The following PUS10 variants were observed in gnomAD, a reference collection of about 807,000 sequenced individuals.
PUS10 encodes the protein tRNA pseudouridine synthase Pus10.
A neutral mutation model predicts 75.0 loss-of-function variants in PUS10; 59 were observed. The ratio of observed to expected loss-of-function variants is 0.79; its 90% CI spans 0.64 to 0.98. The LOEUF is 0.98. Among genes scored for constraint, PUS10 ranks in the 50% least tolerant of loss-of-function variants. The pLI, the probability that PUS10 is intolerant of heterozygous loss-of-function variation, is 0.00. For synonymous variants in PUS10, 219 were observed against 211.6 expected (o/e 1.03, Z -0.30); for missense variants, 650 against 614.4 (o/e 1.06, Z -0.61).
chr2:60,971,476 A>G, intron 5 of PUS10, 47 bp downstream of exon 5: 1 of 1,516,400 alleles, frequency 6.6e-7, no homozygotes, highest in Non-Finnish European at 9.2e-7. Flanking sequence ...AGAACCAGGT[A>G]GCTTGTATTT....
At chr2:61,011,445 C>T (rs1027831303) in intron 2 of PUS10, among the ~76,000 whole-genome samples, 1 of 152,160 alleles carries the variant, frequency 6.6e-6, no homozygotes, top group Admixed American at 6.5e-5. Context: ...ATTAGCCCCT[C>T]CTGGGAGGAA....
At chr2:60,946,740 G>T (rs140718048) in intron 16 of PUS10, among the ~76,000 whole-genome samples, 1 of 152,190 alleles carries the variant, frequency 6.6e-6, no homozygotes, top group African/African-American at 2.4e-5. Context: ...ATGCAGGCTG[G>T]TGGGGAAGGA....
intron 4 of PUS10, 110 bp from the exon 5 acceptor site, chr2:60,971,667 C>T: frequency 1.0e-6 from 1 of 970,730 alleles, no homozygotes; most frequent in Non-Finnish European, 1.6e-6. Context: ...ATCAAACTCC[C>T]CTTTTTAGGT....
chr2:60,943,056 A>AAGG (rs70959878), intron 17 of PUS10, among the ~76,000 whole-genome samples: 1 of 151,272 alleles, frequency 6.6e-6, no homozygotes, highest in African/African-American at 2.4e-5. Context: ...AAAAAAAAAA[A>AAGG]GTATTTATGG....
chr2:61,012,845 A>G (rs1190310391), intron 1 of PUS10, among the ~76,000 whole-genome samples: 3 of 86,354 alleles, frequency 3.5e-5, no homozygotes, highest in Admixed American at 1.2e-4. Flanking sequence ...AAAAAAAAAA[A>G]AAAAAAAAAA....
intron 4 of PUS10, among the ~76,000 whole-genome samples, chr2:60,975,755 T>C (rs1676997344): frequency 6.6e-6 from 1 of 151,786 alleles, no homozygotes; most frequent in Admixed American, 6.6e-5. Flanking sequence ...CTCATTCTTT[T>C]TCTTTGTTTT....
chr2:60,998,062 T>C (rs1678595854), intron 4 of PUS10, among the ~76,000 whole-genome samples: 1 of 152,106 alleles, frequency 6.6e-6, no homozygotes, highest in Admixed American at 6.6e-5. Context: ...GCACACACAA[T>C]ATATATATAG....
At chr2:60,989,636 CT>C (rs548125640) in intron 4 of PUS10, among the ~76,000 whole-genome samples, 45 of 147,346 alleles carry the variant, frequency 3.1e-4, no homozygotes, top group Non-Finnish European at 2.9e-4. Context: ...ACTGCTTATT[CT>C]TTTTTTTTTT....
chr2:61,013,951 A>AAACAACAAC (rs34082267), intron 1 of PUS10, among the ~76,000 whole-genome samples: 4 of 151,124 alleles, frequency 2.6e-5, no homozygotes, highest in African/African-American at 7.3e-5. Context: ...AAATACAAAC[A>AAACAACAAC]AACAACAACA....
chr2:60,998,792 G>A (rs2104623538), intron 4 of PUS10: 1 of 152,252 alleles, frequency 6.6e-6, no homozygotes, highest in Admixed American at 6.5e-5. Context: ...GATCTCACAT[G>A]ATCTCAAAAG....
At chr2:60,990,799 G>A (rs1462968871) in intron 4 of PUS10, among the ~76,000 whole-genome samples, 11 of 152,102 alleles carry the variant, frequency 7.2e-5, no homozygotes, top group Non-Finnish European at 1.0e-4. Flanking sequence ...AGGCTGGAGT[G>A]CAGTGGCATA....
intron 4 of PUS10, among the ~76,000 whole-genome samples, chr2:60,977,269 G>A (rs1677090935): frequency 6.6e-6 from 1 of 152,154 alleles, no homozygotes; most frequent in Non-Finnish European, 1.5e-5. Context: ...GAGACAGAGA[G>A]AGGTGTTAAA....
At position 61,008,879 on chromosome 2, in the gene PUS10, T is replaced by A; in HGVS notation, c.263A>T (p.Glu88Val). ...AACATGACTAACAGAGATCCTTCCC[T>A]CTCCATTTTGACTTAGATTATCAAT... is the stretch of plus-strand genomic sequence containing the variant. The part of the protein sequence containing the change: ...DSIDNLSQNG[E>V]GRISVSHVGS... Residue 88 changes from glutamate (E) to valine (V), a missense_variant, in exon 3 of 18, where the codon GAG (glutamate) becomes GTG (valine). Physicochemically the swap from Glu to Val is moderately radical, Grantham distance 121. Transcript: ENST00000316752. The A allele has an allele frequency of 1.9e-6, 3 of 1,613,964 alleles. No individual in the cohort carries two copies. The highest frequency in any genetic ancestry group is 2.5e-6 in the Non-Finnish European group (3 of 1,179,926).
intron 4 of PUS10, among the ~76,000 whole-genome samples, chr2:61,003,795 G>A (rs970598275): frequency 4.6e-5 from 7 of 152,028 alleles, no homozygotes; most frequent in Non-Finnish European, 8.8e-5. Flanking sequence ...TCCCACCTCA[G>A]CCTCCCAAAG....
intron 11 of PUS10, among the ~76,000 whole-genome samples, chr2:60,959,759 G>A (rs556948013): frequency 3.3e-5 from 5 of 152,082 alleles, no homozygotes; most frequent in East Asian, 3.9e-4. Flanking sequence ...CCAGGCCAGC[G>A]GCACCCAGAA....
intron 10 of PUS10, 119 bp downstream of exon 10, chr2:60,961,344 G>C (rs2104332545): frequency 1.3e-6 from 1 of 796,552 alleles, no homozygotes; most frequent in Middle Eastern, 2.4e-4. Context: ...CTTCTCAAGA[G>C]AGTAAACTTA....
At position 60,962,894 on chromosome 2, in the gene PUS10, T is replaced by C. The variant is rs1331683912; in HGVS notation, c.724-4A>G. Reference sequence around the variant, plus strand: ...CTGCCATTCTAGTGAATACAGACTATATAGGGTAAAATGAGAAGAAAAGAC... The same window carrying C: ...CTGCCATTCTAGTGAATACAGACTACATAGGGTAAAATGAGAAGAAAAGAC... On this transcript the variant is annotated splice_region_variant and splice_polypyrimidine_tract_variant and intron_variant, in intron 8 of 17. Transcript: ENST00000316752. 3.2e-6 allele frequency: 5 copies of C among 1,553,896 alleles called. No homozygotes were observed. The highest frequency in any genetic ancestry group is 4.3e-6 in the Non-Finnish European group (5 of 1,158,740).
At chr2:60,976,921 C>A (rs73932673) in intron 4 of PUS10, among the ~76,000 whole-genome samples, 2,474 of 152,182 alleles carry the variant, frequency 0.016, 78 homozygotes, top group African/African-American at 0.057. Context: ...CCAACAGAAG[C>A]AAATGGCATT....
intron 1 of PUS10, among the ~76,000 whole-genome samples, chr2:61,014,243 T>G (rs1177581965): frequency 2.0e-5 from 3 of 152,064 alleles, no homozygotes; most frequent in African/African-American, 7.2e-5. Context: ...CCAGGTGTGT[T>G]GGCGTGTGCC....
Sources: allele counts gnomAD v4.1 joint callset (sites outside exome capture counted in the v4.1 genomes callset), GRCh38; gene constraint gnomAD v4.1.1; transcripts MANE v1.5; gene names NCBI Gene and HGNC (gene_info 2026-07-23, HGNC 2026-07-21).